ADAMTSL1: variants seen among roughly 807,000 people sequenced by gnomAD.
ADAMTSL1 encodes ADAMTS like 1, also known as ADAMTS-like protein 1.
Under a neutral mutation model 201.8 loss-of-function variants are expected in ADAMTSL1, and 126 were observed. The ratio of observed to expected loss-of-function variants is 0.62; its 90% CI spans 0.54 to 0.72. The LOEUF (loss-of-function observed/expected upper bound fraction) is 0.72, where lower values mean the gene tolerates loss of function less well. Ranked by LOEUF, ADAMTSL1 falls within the 30% of genes least tolerant of loss-of-function variation. The pLI is 0.00. For missense variants in ADAMTSL1, 2,679 were observed against 2,277.8 expected (o/e 1.18, Z -3.59); for synonymous variants, 1,121 against 903.4 (o/e 1.24, Z -4.32).
At chr9:18,882,627 A>T (rs1828603309) in intron 23 of ADAMTSL1, among the ~76,000 whole-genome samples, 1 of 152,136 alleles carries the variant, frequency 6.6e-6, no homozygotes, top group South Asian at 2.1e-4. Context: ...ACCACCATGG[A>T]CCTCGTGGCA....
chr9:18,451,217 A>G (rs889533845), intron 2 of ADAMTSL1, among the ~76,000 whole-genome samples: 1 of 152,184 alleles, frequency 6.6e-6, no homozygotes, highest in African/African-American at 2.4e-5. Flanking sequence ...TCATGTTTGC[A>G]TACTCCTTGG....
chr9:18,251,401 CT>C (rs1831461010), intron 2 of ADAMTSL1, among the ~76,000 whole-genome samples: 1 of 152,018 alleles, frequency 6.6e-6, no homozygotes, highest in South Asian at 2.1e-4. Context: ...TTCCGAGTGA[CT>C]TTCTAAACTT....
rs1010465667 is a variant in ADAMTSL1 at position 18,322,774 on chromosome 9, T to TA, written c.207+158799dup. On this transcript the variant is annotated intron_variant, in intron 2 of 29. Transcript: ENST00000680146. ...TATAGATCCATAGATAGTAAAATGATAAAAAAGAGTATCATCAACAACTTT... is the reference window on the plus strand; with the variant it reads ...TATAGATCCATAGATAGTAAAATGATAAAAAAAGAGTATCATCAACAACTTT... Among the ~76,000 whole-genome samples the TA allele has an allele frequency of 7.2e-5, 11 of 152,074 alleles. No individual in the cohort carries two copies. The East Asian group carries it at 1.9e-3, about 27-fold the overall frequency.
At chr9:18,542,824 T>C (rs1332191678) in intron 3 of ADAMTSL1, among the ~76,000 whole-genome samples, 1 of 152,224 alleles carries the variant, frequency 6.6e-6, no homozygotes, top group Non-Finnish European at 1.5e-5. Context: ...CATTATTTTT[T>C]AAAAACTGAA....
At chr9:18,675,801 T>C in intron 9 of ADAMTSL1, 56 bp from the exon 10 acceptor site, 2 of 1,474,630 alleles carry the variant, frequency 1.4e-6, no homozygotes, top group Non-Finnish European at 1.9e-6. Flanking sequence ...TCATTTAGTG[T>C]TTATTTTATT....
chr9:18,025,976 T>C (rs985856783), intron 1 of ADAMTSL1, among the ~76,000 whole-genome samples: 3 of 152,088 alleles, frequency 2.0e-5, no homozygotes, highest in East Asian at 1.9e-4. Flanking sequence ...ACCTCCTTGG[T>C]TAGATGTATT....
At chr9:18,592,827 A>G (rs778557410) in intron 4 of ADAMTSL1, among the ~76,000 whole-genome samples, 25 of 152,214 alleles carry the variant, frequency 1.6e-4, no homozygotes, top group Non-Finnish European at 3.4e-4. Flanking sequence ...AGACATTTTA[A>G]CAATATTGAT....
intron 1 of ADAMTSL1, among the ~76,000 whole-genome samples, chr9:18,060,069 A>C (rs573027250): frequency 6.6e-6 from 1 of 152,288 alleles, no homozygotes; most frequent in Admixed American, 6.5e-5. Flanking sequence ...CCTTGGAGTT[A>C]ACCACTGTTG....
chr9:18,061,158 T>C (rs1822438103), intron 1 of ADAMTSL1, among the ~76,000 whole-genome samples: 1 of 152,212 alleles, frequency 6.6e-6, no homozygotes, highest in Non-Finnish European at 1.5e-5. Context: ...CATGACTTAT[T>C]ATCAGAATGT....
At chr9:18,837,535 C>G (rs1164824352) in intron 23 of ADAMTSL1, among the ~76,000 whole-genome samples, 1 of 152,214 alleles carries the variant, frequency 6.6e-6, no homozygotes, top group African/African-American at 2.4e-5. Context: ...ATTCCCTACC[C>G]TGTGTGAGCC....
intron 1 of ADAMTSL1, among the ~76,000 whole-genome samples, chr9:18,140,255 C>G (rs897151751): frequency 6.6e-6 from 1 of 152,082 alleles, no homozygotes; most frequent in African/African-American, 2.4e-5. Context: ...GGCTCTTTTT[C>G]TTTATCCTCT....
chr9:18,371,156 A>T (rs1359333314), intron 2 of ADAMTSL1, among the ~76,000 whole-genome samples: 1 of 152,162 alleles, frequency 6.6e-6, no homozygotes, highest in Non-Finnish European at 1.5e-5. Context: ...TGTAATACTT[A>T]TACAATTTTT....
At chr9:18,795,606 T>C (rs1271741502) in intron 20 of ADAMTSL1, 82 bp downstream of exon 20, 1 of 1,435,602 alleles carries the variant, frequency 7.0e-7, no homozygotes. Context: ...GGCCCAGAGA[T>C]GCATAGATAA....
Position 18,777,913 on chromosome 9 carries a change from C to T in ADAMTSL1, c.3677+7C>T, listed in dbSNP as rs1821160196. 9.8e-6 allele frequency: 15 copies of T among 1,531,506 alleles called. No homozygotes were observed. The highest frequency in any genetic ancestry group is 1.3e-5 in the Non-Finnish European group (15 of 1,136,702). The allele number at this position is 1,531,506 out of a possible 1,614,324, so 94.9% of individuals were successfully genotyped here. A position where few individuals can be genotyped will look rare whatever the true frequency, so the allele number is the denominator to read the frequency against. ...AAGTTCAGTTCAGTGACAGGTGAGC[C>T]TTGTAGCTAACCTGGTCTTGGGAGG... is the stretch of plus-strand genomic sequence containing the variant. On this transcript the variant is annotated splice_region_variant and intron_variant, in intron 19 of 28. Coordinates refer to ENST00000380548, the MANE Select transcript of ADAMTSL1 (RefSeq NM_001040272.6).
chr9:18,806,055 G>A (rs73644673), intron 20 of ADAMTSL1, among the ~76,000 whole-genome samples: 1 of 152,156 alleles, frequency 6.6e-6, no homozygotes, highest in Non-Finnish European at 1.5e-5. Flanking sequence ...CAAAGACTAG[G>A]GGAAATTATT....
At chr9:18,892,704 A>T (rs1370389024) in intron 26 of ADAMTSL1, 108 bp downstream of exon 26, 1 of 1,292,150 alleles carries the variant, frequency 7.7e-7, no homozygotes, top group Non-Finnish European at 1.1e-6. Context: ...CTCCTTTCAC[A>T]TTCTGATTGG....
At chr9:18,167,378 T>G (rs1353139317) in intron 2 of ADAMTSL1, among the ~76,000 whole-genome samples, 1 of 151,932 alleles carries the variant, frequency 6.6e-6, no homozygotes, top group Non-Finnish European at 1.5e-5. Context: ...GGGTTGAGTG[T>G]TCCTTTGAAT....
At chr9:18,087,571 G>A (rs1044330914) in intron 1 of ADAMTSL1, among the ~76,000 whole-genome samples, 6 of 151,896 alleles carry the variant, frequency 4.0e-5, no homozygotes, top group Admixed American at 2.0e-4. Context: ...TGTAATTTTG[G>A]ATTTGCATTT....
At chr9:18,846,030 G>GC (rs1252861975) in intron 23 of ADAMTSL1, among the ~76,000 whole-genome samples, 2 of 152,180 alleles carry the variant, frequency 1.3e-5, no homozygotes, top group Non-Finnish European at 2.9e-5. Flanking sequence ...TTTACCAAGT[G>GC]CCTAATATGT....
Sources: gnomAD v4.1 joint callset for allele counts (sites outside exome capture counted in the v4.1 genomes callset) on GRCh38, gnomAD v4.1.1 for gene constraint, MANE v1.5 for transcripts, NCBI Gene and HGNC (gene_info 2026-07-23, HGNC 2026-07-21) for gene names.